The following HCRTR1 variants were observed in gnomAD, a reference collection of about 807,000 sequenced individuals.
The protein encoded by HCRTR1 is hypocretin receptor 1, also known as orexin/Hypocretin receptor type 1.
Under a neutral mutation model 40.6 loss-of-function variants are expected in HCRTR1, and 28 were observed. The observed-to-expected ratio is 0.69, with a 90% CI of 0.51 to 0.95. The LOEUF (loss-of-function observed/expected upper bound fraction) is 0.95. Among genes scored for constraint, HCRTR1 ranks in the 40% least tolerant of loss-of-function variants. The pLI, the probability that HCRTR1 is intolerant of heterozygous loss-of-function variation, is 0.00. For synonymous variants in HCRTR1, 209 were observed against 230.0 expected (o/e 0.91, Z 0.83); for missense variants, 482 against 564.7 (o/e 0.85, Z 1.48).
intron 4 of HCRTR1, among the ~76,000 whole-genome samples, chr1:31,620,000 T>C (rs867569190): frequency 3.9e-5 from 6 of 151,912 alleles, no homozygotes; most frequent in African/African-American, 1.5e-4. Flanking sequence ...AGGCACACAG[T>C]CAAGGAGAGA....
At position 31,623,492 on chromosome 1, in the gene HCRTR1, C is replaced by T. The variant is rs1052705293; in HGVS notation, c.739-31C>T. ...AACCACCCTCCCAAGGTGCTGTACC[C>T]ACCACTGCTGTCTCTATGTGTGCTG... is the stretch of plus-strand genomic sequence containing the variant. On this transcript the variant is annotated intron_variant, in intron 6 of 8. Transcript: ENST00000403528. The T allele has an allele frequency of 3.8e-6, 6 of 1,586,506 alleles. No individual in the cohort carries two copies. In the South Asian group the frequency reaches 5.7e-5, roughly 15 times the overall value.
At position 31,627,429 on chromosome 1, in the gene HCRTR1, G is replaced by C; in HGVS notation, c.*449G>C. The stretch of plus-strand genomic sequence containing the variant: ...TGGCCAGCTGTTCTGATGCCTGTGT[G>C]AACTAATCTGGGCCCAGCCTTTCTC... On this transcript the variant is annotated 3_prime_UTR_variant, in exon 9 of 9. Coordinates refer to ENST00000403528, the MANE Select transcript of HCRTR1 (RefSeq NM_001525.3). The C allele has an allele frequency of 8.9e-7, 1 of 1,123,020 alleles. No homozygotes were observed. Among genetic ancestry groups the C allele is most frequent in the East Asian group, 5.7e-5 (1 of 17,426 alleles). The allele number at this position is 1,123,020 out of a possible 1,614,324, so 69.6% of individuals were successfully genotyped here.
At chr1:31,629,425 C>T (rs777985347), downstream of HCRTR1, among the ~76,000 whole-genome samples, 1 of 152,210 alleles carries the variant, frequency 6.6e-6, no homozygotes, top group Non-Finnish European at 1.5e-5. Context: ...TAGAGACACT[C>T]GGTGTAGACT....
Position 31,625,171 on chromosome 1 carries a change from C to T in HCRTR1, c.1087+53C>T. On this transcript the variant is annotated intron_variant, in intron 8 of 8. Coordinates refer to ENST00000403528, the MANE Select transcript of HCRTR1 (RefSeq NM_001525.3). The surrounding 1 kb of genome is among the most constrained non-coding windows in gnomAD (Gnocchi z 4.2). The stretch of plus-strand genomic sequence containing the variant: ...TGAGGGTGGCCAACAGTCCACATGA[C>T]AAGTCTCCCCATCCCCAAGCCAGGG... 1 of 1,520,144 alleles carries T rather than the reference C, an allele frequency of 6.6e-7. No homozygotes were observed. The highest frequency in any genetic ancestry group is 8.9e-7 in the Non-Finnish European group (1 of 1,124,828). The allele number at this position is 1,520,144 out of a possible 1,614,324, so 94.2% of individuals were successfully genotyped here. A position where few individuals can be genotyped will look rare whatever the true frequency, so the allele number is the denominator to read the frequency against.
chr1:31,624,774 G>A (rs946292692), intron 7 of HCRTR1, among the ~76,000 whole-genome samples: 1 of 152,156 alleles, frequency 6.6e-6, no homozygotes, highest in East Asian at 1.9e-4. Flanking sequence ...CAGGGGATCC[G>A]ATGGCCAGGA....
chr1:31,621,063 C>T lies in HCRTR1; in HGVS notation c.599C>T (p.Ser200Leu). 2 of 1,609,616 alleles carry T rather than the reference C, an allele frequency of 1.2e-6. No individual in the cohort carries two copies. Among genetic ancestry groups the T allele is most frequent in the South Asian group, 1.1e-5 (1 of 91,036 alleles). ...CTAGCCAACCGCACACGGCTCTTCT[C>T]AGTCTGTGATGAACGCTGGGCAGGT... ...PELANRTRLFSVCDERWADDL... is the reference protein window; with the variant it reads ...PELANRTRLFLVCDERWADDL... Residue 200 changes from serine to leucine, a missense_variant, in exon 5 of 9, where the codon TCA (serine) becomes TTA (leucine). Transcript: ENST00000403528.
downstream of HCRTR1, chr1:31,632,366 A>T: frequency 6.7e-7 from 1 of 1,496,598 alleles, no homozygotes. Context: ...GCAGGCCTGC[A>T]CTGAGAACAG....
At chr1:31,630,211 T>C (rs1271184900), downstream of HCRTR1, 1 of 250,160 alleles carries the variant, frequency 4.0e-6, no homozygotes, top group Non-Finnish European at 8.0e-6. Context: ...ATGGGCTCGT[T>C]TGACAGGATG....
chr1:31,630,660 G>C, downstream of HCRTR1: 1 of 1,613,194 alleles, frequency 6.2e-7, no homozygotes, highest in Non-Finnish European at 8.5e-7. Flanking sequence ...TCGAAGCTGA[G>C]CCGAATGTTG....
chr1:31,630,910 T>C, downstream of HCRTR1: 1 of 1,299,344 alleles, frequency 7.7e-7, no homozygotes, highest in Non-Finnish European at 1.1e-6. Context: ...CAATCAGGAA[T>C]ACTGGATCAC....
intron 1 of HCRTR1, 161 bp downstream of exon 1, chr1:31,618,042 T>A (rs1461269101): frequency 2.0e-5 from 3 of 151,316 alleles, no homozygotes; most frequent in African/African-American, 7.3e-5. Flanking sequence ...GTGCCCTCGC[T>A]CCCCCGCGCC....
intron 2 of HCRTR1, 82 bp downstream of exon 2, chr1:31,618,898 G>A: frequency 2.3e-6 from 1 of 431,586 alleles, no homozygotes; most frequent in Non-Finnish European, 4.2e-6. Flanking sequence ...GGCAACTGGT[G>A]TGGAATTGGG....
rs773285522 is a variant in HCRTR1, at chr1:31,621,465, T to C, written c.623-12T>C. 2 of 1,582,554 alleles carry C rather than the reference T, an allele frequency of 1.3e-6. No homozygotes were observed. The highest frequency in any genetic ancestry group is 1.7e-6 in the Non-Finnish European group (2 of 1,151,230). ...GGATTGGGCCTGACTCTGCATCTCT[T>C]GACCCCTGCAGATGACCTCTATCCC... On this transcript the variant is annotated splice_polypyrimidine_tract_variant and intron_variant, in intron 5 of 8. Coordinates refer to ENST00000403528, the MANE Select transcript of HCRTR1 (RefSeq NM_001525.3).
At chr1:31,621,330 A>G in intron 5 of HCRTR1, 147 bp from the exon 6 acceptor site, 2 of 801,906 alleles carry the variant, frequency 2.5e-6, no homozygotes, top group Non-Finnish European at 4.2e-6. Context: ...GGACAACTCC[A>G]GGGTCTCTGT....
intron 2 of HCRTR1, 31 bp downstream of exon 2, chr1:31,618,847 T>C (rs889144095): frequency 1.2e-5 from 4 of 335,508 alleles, no homozygotes; most frequent in Non-Finnish European, 2.2e-5. Flanking sequence ...ATTAGACAGA[T>C]GGGGAAACCA....
chr1:31,626,850 G>A lies in HCRTR1; in HGVS notation c.1148G>A (p.Cys383Tyr). Residue 383 changes from cysteine to tyrosine, a missense_variant, in exon 9 of 9, where the codon TGC becomes TAC. Transcript: ENST00000403528. The surrounding 1 kb of genome is among the most constrained non-coding windows in gnomAD (Gnocchi z 4.6). ...FSCCLPGLGP[C>Y]GSLKAPSPRS... ...TGCTGCCTGCCTGGCCTGGGTCCCT[G>A]CGGCTCTCTGAAGGCCCCTAGTCCC... 1 of 1,614,068 alleles carries A rather than the reference G, an allele frequency of 6.2e-7. No homozygotes were observed. The highest frequency in any genetic ancestry group is 8.5e-7 in the Non-Finnish European group (1 of 1,180,002).
At position 31,627,025 on chromosome 1, in the gene HCRTR1, C is replaced by T. The variant is rs778139882; in HGVS notation, c.*45C>T. On this transcript the variant is annotated 3_prime_UTR_variant, in exon 9 of 9. Coordinates refer to ENST00000403528, the MANE Select transcript of HCRTR1 (RefSeq NM_001525.3). ...CTCCGGCTCGGGGGATCTGCCCCTA[C>T]CCCTCATGGAAAGACAGCTGGATGT... is the stretch of plus-strand genomic sequence containing the variant. 3.2e-6 allele frequency: 5 copies of T among 1,572,006 alleles called. No individual in the cohort carries two copies. The highest frequency in any genetic ancestry group is 8.6e-7 in the Non-Finnish European group (1 of 1,163,046).
rs899121173 is a variant in HCRTR1, at chr1:31,626,626, G to A, written c.1088-164G>A. Among the ~76,000 whole-genome samples, 3 of 152,006 alleles carry A rather than the reference G, an allele frequency of 2.0e-5. No homozygotes were observed. Among genetic ancestry groups the A allele is most frequent in the African/African-American group, 4.8e-5 (2 of 41,352 alleles). On this transcript the variant is annotated intron_variant, in intron 8 of 8. Transcript: ENST00000403528. The surrounding 1 kb of genome is among the most constrained non-coding windows in gnomAD (Gnocchi z 4.6). ...AGGGCTTCTGTCCTCTCTCTCTGGC[G>A]GTGCCGAGGTTGCCTCAGGGCTCTC...
downstream of HCRTR1, chr1:31,633,226 C>A: frequency 1.2e-6 from 2 of 1,614,126 alleles, no homozygotes; most frequent in African/African-American, 2.7e-5. Context: ...CCTGCTTTAG[C>A]TCCTTCATGG....
Sources: allele counts gnomAD v4.1 joint callset (sites outside exome capture counted in the v4.1 genomes callset), GRCh38; gene constraint gnomAD v4.1.1; non-coding constraint Gnocchi (gnomAD v3.1); transcripts MANE v1.5; gene names NCBI Gene and HGNC (gene_info 2026-07-23, HGNC 2026-07-21).